The following IFT74 variants were observed in gnomAD, a reference collection of about 807,000 sequenced individuals.
IFT74 encodes the protein intraflagellar transport 74, also known as intraflagellar transport protein 74 homolog.
In IFT74, 92 loss-of-function variants were observed where a neutral mutation model predicts 96.7. That is an observed-to-expected ratio of 0.95 (90% confidence interval 0.80 to 1.13). IFT74 has a LOEUF of 1.13. IFT74 is among the 50% of genes most tolerant of loss of function. The pLI is 0.00. For missense variants in IFT74, 811 were observed against 698.2 expected (o/e 1.16, Z -1.82); for synonymous variants, 223 against 213.2 (o/e 1.05, Z -0.40).
intron 2 of IFT74, among the ~76,000 whole-genome samples, chr9:26,966,468 A>G (rs1826620736): frequency 2.6e-5 from 4 of 152,016 alleles, no homozygotes; most frequent in Non-Finnish European, 5.9e-5. Context: ...ACGTTTGTAT[A>G]TCTTCTTTTG....
rs1820496750 is a variant in IFT74, at chr9:27,063,090, A to G, written c.*354A>G. Among the ~76,000 whole-genome samples the G allele has an allele frequency of 6.6e-6, 1 of 152,170 alleles. No homozygotes were observed. The highest frequency in any genetic ancestry group is 1.5e-5 in the Non-Finnish European group (1 of 68,006). ...CTCTAGGACGGATGCATGGAGTATG[A>G]TTCTGATTTAGCACTTAGATCAACC... On this transcript the variant is annotated 3_prime_UTR_variant, in exon 20 of 20. Coordinates refer to ENST00000380062, the MANE Select transcript of IFT74 (RefSeq NM_025103.4).
intron 8 of IFT74, among the ~76,000 whole-genome samples, chr9:27,008,428 G>T (rs1828891399): frequency 6.6e-6 from 1 of 151,764 alleles, no homozygotes; most frequent in African/African-American, 2.4e-5. Flanking sequence ...CGCGATCTCA[G>T]CCCACTGCAA....
At chr9:27,010,701 C>T (rs1829023798) in intron 9 of IFT74, among the ~76,000 whole-genome samples, 1 of 149,134 alleles carries the variant, frequency 6.7e-6, no homozygotes, top group South Asian at 2.3e-4. Flanking sequence ...CCGTGTTAGC[C>T]AGGTGATCCG....
chr9:26,996,208 C>T, intron 8 of IFT74: 1 of 762,764 alleles, frequency 1.3e-6, no homozygotes. Flanking sequence ...GATGAGGAAT[C>T]TTTCTTTTAC....
intron 8 of IFT74, among the ~76,000 whole-genome samples, chr9:26,991,944 A>G (rs1827899191): frequency 6.6e-6 from 1 of 151,870 alleles, no homozygotes; most frequent in South Asian, 2.1e-4. Context: ...CAGGAGAATC[A>G]CTTGAACCTG....
intron 10 of IFT74, among the ~76,000 whole-genome samples, chr9:27,014,265 T>C (rs558864783): frequency 2.0e-4 from 31 of 152,290 alleles, no homozygotes; most frequent in African/African-American, 6.5e-4. Flanking sequence ...TGTCCATCTA[T>C]AAAGACACTT....
In IFT74 at chr9:26,990,184, TG is replaced by T; in HGVS notation, c.577del (p.Glu193LysfsTer39). 1 of 1,464,490 alleles carries T rather than the reference TG, an allele frequency of 6.8e-7. No individual in the cohort carries two copies. The allele number at this position is 1,464,490 out of a possible 1,614,324, so 90.7% of individuals were successfully genotyped here. Reference sequence around the variant, plus strand: ...CACAAAGTTTGGATGTCATATTTACTGAAAGACAAGCGTAAGTATAGCTAAT... The same window carrying T: ...CACAAAGTTTGGATGTCATATTTACTAAAGACAAGCGTAAGTATAGCTAAT... ...ETQSLDVIFT[E>X]RQAKEKQIRS... On this transcript the variant is annotated frameshift_variant, in exon 8 of 20. Transcript: ENST00000380062. LOFTEE classifies it high-confidence loss of function.
rs71841244 is a variant in IFT74, at chr9:26,948,448, A to ATTTTTTTTTTTTTTTT, written c.-20+1327_-20+1342dup. On this transcript the variant is annotated intron_variant, in intron 1 of 19. Transcript: ENST00000433700. The stretch of plus-strand genomic sequence containing the variant: ...TGACAACCTGTGATGGCTTTCCATT[A>ATTTTTTTTTTTTTTTT]TTTTTTTTTTTTTTTTTTTTTTTTT... Among the ~76,000 whole-genome samples, 28 of 59,154 alleles carry ATTTTTTTTTTTTTTTT rather than the reference A, an allele frequency of 4.7e-4. 5 individuals carry two copies. The highest frequency in any genetic ancestry group is 8.1e-4 in the Non-Finnish European group (21 of 26,080). The allele number at this position is 59,154 out of a possible 152,430, so 38.8% of individuals were successfully genotyped here. A position where few individuals can be genotyped will look rare whatever the true frequency, so the allele number is the denominator to read the frequency against.
At chr9:27,024,335 G>A (rs181167794) in intron 12 of IFT74, among the ~76,000 whole-genome samples, 28 of 152,232 alleles carry the variant, frequency 1.8e-4, no homozygotes, top group East Asian at 1.2e-3. Context: ...AGATCACTTC[G>A]CAGGACTCTT....
At chr9:26,970,594 C>T (rs1341630362) in intron 2 of IFT74, among the ~76,000 whole-genome samples, 1 of 152,186 alleles carries the variant, frequency 6.6e-6, no homozygotes, top group Non-Finnish European at 1.5e-5. Context: ...GAGTAGGTCT[C>T]ACAGTTATGC....
At chr9:27,043,860 C>G (rs981473767) in intron 13 of IFT74, among the ~76,000 whole-genome samples, 4 of 152,226 alleles carry the variant, frequency 2.6e-5, no homozygotes, top group Admixed American at 6.5e-5. Context: ...CAGCTTTCAT[C>G]TTTCACCCAG....
chr9:27,030,411 A>G (rs1470809110), intron 13 of IFT74, among the ~76,000 whole-genome samples: 1 of 151,874 alleles, frequency 6.6e-6, no homozygotes, highest in East Asian at 1.9e-4. Context: ...AATTTTTAGT[A>G]GTGGCGCATG....
chr9:27,002,401 G>A (rs1003555839), intron 8 of IFT74, among the ~76,000 whole-genome samples: 1 of 152,208 alleles, frequency 6.6e-6, no homozygotes, highest in African/African-American at 2.4e-5. Context: ...GCCCTCCAGT[G>A]TTTTCTTGAA....
intron 12 of IFT74, chr9:27,028,816 C>T (rs895431211): frequency 1.3e-5 from 5 of 398,912 alleles, no homozygotes; most frequent in Non-Finnish European, 2.2e-5. Context: ...GTATTGTCCT[C>T]ATAATAGGAT....
intron 2 of IFT74, among the ~76,000 whole-genome samples, chr9:26,974,773 A>G (rs1402945034): frequency 1.3e-5 from 2 of 152,144 alleles, no homozygotes; most frequent in Non-Finnish European, 2.9e-5. Flanking sequence ...TTGAGGTCCT[A>G]AGAATTGATC....
intron 1 of IFT74, 82 bp from the exon 2 acceptor site, chr9:26,961,867 T>A: frequency 7.0e-7 from 1 of 1,437,022 alleles, no homozygotes; most frequent in Non-Finnish European, 9.6e-7. Flanking sequence ...TTGTTGTGAA[T>A]TAAATGTAAG....
Position 27,049,840 on chromosome 9 carries a change from C to T in IFT74, c.1333+1566C>T, listed in dbSNP as rs140678166. Among the ~76,000 whole-genome samples the T allele has an allele frequency of 1.6e-3, 243 of 152,238 alleles. 1 individual carries two copies. The highest frequency in any genetic ancestry group is 2.1e-3 in the Non-Finnish European group (146 of 68,036). ...TTGCTATCATGAGACTAGAGCAGCA[C>T]TGTCCAAGAGAAATTTAATGACAGT... On this transcript the variant is annotated intron_variant, in intron 16 of 19. Transcript: ENST00000380062.
chr9:27,032,004 G>A (rs974337791), intron 13 of IFT74, among the ~76,000 whole-genome samples: 4 of 151,966 alleles, frequency 2.6e-5, no homozygotes, highest in Non-Finnish European at 5.9e-5. Context: ...GAGCCACTGT[G>A]CCTGGTGTTT....
intron 4 of IFT74, among the ~76,000 whole-genome samples, chr9:26,983,011 C>T (rs568448559): frequency 6.6e-6 from 1 of 152,296 alleles, no homozygotes; most frequent in South Asian, 2.1e-4. Flanking sequence ...CATTTTACTT[C>T]ATTTTCTTTT....
Sources: allele counts gnomAD v4.1 joint callset (sites outside exome capture counted in the v4.1 genomes callset), GRCh38; gene constraint gnomAD v4.1.1; transcripts MANE v1.5; gene names NCBI Gene and HGNC (gene_info 2026-07-23, HGNC 2026-07-21).